ORC2: variants seen among roughly 807,000 people sequenced by gnomAD.
ORC2 encodes origin recognition complex subunit 2, also known as origin recognition complex protein 2 homolog.
Under a neutral mutation model 77.7 loss-of-function variants are expected in ORC2, and 37 were observed. That is an observed-to-expected ratio of 0.48 (90% confidence interval 0.37 to 0.63). The LOEUF is 0.63. ORC2 is among the 20% of genes least tolerant of loss of function. The pLI, the probability that ORC2 is intolerant of heterozygous loss-of-function variation, is 0.00. For synonymous variants in ORC2, 201 were observed against 229.5 expected (o/e 0.88, Z 1.12); for missense variants, 557 against 661.9 (o/e 0.84, Z 1.74).
At chr2:200,914,409 G>C (rs17426006) in intron 15 of ORC2, among the ~76,000 whole-genome samples, 1 of 152,010 alleles carries the variant, frequency 6.6e-6, no homozygotes, top group Non-Finnish European at 1.5e-5. Flanking sequence ...CTCGTGATCC[G>C]CCCGCCTCGG....
At chr2:200,963,209 A>C (rs2041613740) in intron 1 of ORC2, 2 of 380,032 alleles carry the variant, frequency 5.3e-6, no homozygotes, top group African/African-American at 2.1e-5. Flanking sequence ...TCCCAGAGTG[A>C]GCCTCTCACC....
intron 4 of ORC2, among the ~76,000 whole-genome samples, chr2:200,954,904 GAATA>G (rs66473778): frequency 0.48 from 69,672 of 144,354 alleles, 16,935 homozygotes; most frequent in Admixed American, 0.53. Flanking sequence ...ATGAATGAAT[GAATA>G]AATAAATAAA....
rs1039952023 is a variant in ORC2 at position 200,909,356 on chromosome 2, T to C, written c.*1945A>G. Reference sequence around the variant, plus strand: ...TCCTTTGGTACTATTAAAAAAATTTTTTTAAATCACATTTATGTACAAATT... The same window carrying C: ...TCCTTTGGTACTATTAAAAAAATTTCTTTAAATCACATTTATGTACAAATT... On this transcript the variant is annotated 3_prime_UTR_variant, in exon 18 of 18. Transcript: ENST00000234296. The C allele has an allele frequency of 6.6e-6, 1 of 152,324 alleles. No individual in the cohort carries two copies. The highest frequency in any genetic ancestry group is 3.4e-3 in the Middle Eastern group (1 of 296). 9.4% of individuals were successfully genotyped at this position (152,324 alleles called of 1,614,324 possible). A position where few individuals can be genotyped will look rare whatever the true frequency, so the allele number is the denominator to read the frequency against.
intron 8 of ORC2, among the ~76,000 whole-genome samples, chr2:200,937,613 C>T (rs2124992305): frequency 6.6e-6 from 1 of 152,226 alleles, no homozygotes; most frequent in East Asian, 1.9e-4. Flanking sequence ...GCATTCAGTA[C>T]AACTATGAAT....
intron 13 of ORC2, among the ~76,000 whole-genome samples, chr2:200,922,951 T>G (rs2040784243): frequency 6.6e-6 from 1 of 152,176 alleles, no homozygotes; most frequent in South Asian, 2.1e-4. Flanking sequence ...AATTGATTTT[T>G]AATTAAATAA....
chr2:200,914,414 C>G (rs1378965641), intron 15 of ORC2, among the ~76,000 whole-genome samples: 2 of 152,168 alleles, frequency 1.3e-5, no homozygotes, highest in Non-Finnish European at 2.9e-5. Flanking sequence ...GATCCGCCCG[C>G]CTCGGCCTCC....
chr2:200,951,905 T>C (rs947888653), intron 4 of ORC2, among the ~76,000 whole-genome samples: 2 of 152,196 alleles, frequency 1.3e-5, no homozygotes, highest in Non-Finnish European at 2.9e-5. Context: ...TTTCTTTTGA[T>C]TACATATTTT....
At chr2:200,941,884 G>A (rs549807272) in intron 6 of ORC2, among the ~76,000 whole-genome samples, 39 of 152,176 alleles carry the variant, frequency 2.6e-4, no homozygotes, top group Non-Finnish European at 4.6e-4. Flanking sequence ...TTATTCAGGA[G>A]TCTGAGGCAG....
At chr2:200,949,524 A>G in intron 5 of ORC2, 30 bp downstream of exon 5, 1 of 1,152,936 alleles carries the variant, frequency 8.7e-7, no homozygotes, top group Non-Finnish European at 1.3e-6. Context: ...AAGATGAGTA[A>G]TAGTTATAGA....
intron 11 of ORC2, among the ~76,000 whole-genome samples, chr2:200,930,793 T>C (rs2040926215): frequency 6.6e-6 from 1 of 152,180 alleles, no homozygotes; most frequent in African/African-American, 2.4e-5. Context: ...TTCTTCTAGG[T>C]GTTTTAATGG....
intron 4 of ORC2, among the ~76,000 whole-genome samples, chr2:200,953,506 A>T (rs908921825): frequency 2.6e-5 from 4 of 152,020 alleles, no homozygotes; most frequent in African/African-American, 9.7e-5. Context: ...AAAATGGTGC[A>T]GCCACTGTGC....
chr2:200,913,484 A>C (rs1042213534), intron 16 of ORC2, 71 bp from the exon 17 acceptor site: 6 of 1,475,636 alleles, frequency 4.1e-6, no homozygotes, highest in Middle Eastern at 2.5e-4. Context: ...ACACCCATAC[A>C]AAAGAACAGA....
chr2:200,944,783 TCC>T (rs2041221824), intron 5 of ORC2, among the ~76,000 whole-genome samples: 1 of 151,710 alleles, frequency 6.6e-6, no homozygotes, highest in Admixed American at 6.6e-5. Context: ...CAAGTTCTCC[TCC>T]CGCCTCGGCC....
rs528547390 is a variant in ORC2, at chr2:200,960,302, G to A, written c.-59-862C>T. ...CAAAAAAATTTTTTTAAACAACAAC[G>A]ACAACAAAAAATTGTGGACTTGGCT... On this transcript the variant is annotated intron_variant, in intron 1 of 17. Coordinates refer to ENST00000234296, the MANE Select transcript of ORC2 (RefSeq NM_006190.5). Among the ~76,000 whole-genome samples the A allele has an allele frequency of 5.3e-5, 8 of 151,536 alleles. No individual in the cohort carries two copies. In the South Asian group the frequency reaches 1.5e-3, roughly 28 times the overall value.
At chr2:200,923,148 T>G (rs2040786653) in intron 13 of ORC2, among the ~76,000 whole-genome samples, 1 of 152,268 alleles carries the variant, frequency 6.6e-6, no homozygotes. Context: ...AAATCCTGAA[T>G]TATTGAATAC....
In ORC2 at chr2:200,909,137, T is replaced by C. The variant is rs1222100585; in HGVS notation, c.*2164A>G. 3 of 152,150 alleles carry C rather than the reference T, an allele frequency of 2.0e-5. No homozygotes were observed. The highest frequency in any genetic ancestry group is 1.3e-4 in the Admixed American group (2 of 15,264). The allele number at this position is 152,150 out of a possible 1,614,324, so 9.4% of individuals were successfully genotyped here. A position where few individuals can be genotyped will look rare whatever the true frequency, so the allele number is the denominator to read the frequency against. On this transcript the variant is annotated 3_prime_UTR_variant, in exon 18 of 18. Coordinates refer to ENST00000234296, the MANE Select transcript of ORC2 (RefSeq NM_006190.5). The stretch of plus-strand genomic sequence containing the variant: ...ACATTAGGTCATTATAAACTAGATA[T>C]ATTAAGCAAAAAAAGCAAGGTGCAA...
chr2:200,959,998 T>C (rs1204212109), intron 1 of ORC2, among the ~76,000 whole-genome samples: 1 of 152,096 alleles, frequency 6.6e-6, no homozygotes, highest in Non-Finnish European at 1.5e-5. Flanking sequence ...TTTTCTTTTT[T>C]TTTGAGACAG....
intron 10 of ORC2, 105 bp from the exon 11 acceptor site, chr2:200,931,553 T>C (rs933902419): frequency 1.1e-5 from 6 of 557,976 alleles, no homozygotes; most frequent in South Asian, 7.8e-5. Context: ...GCCAATCCAA[T>C]TGGAATATTA....
Position 200,922,521 on chromosome 2 carries a change from A to G in ORC2, c.1148-1382T>C, listed in dbSNP as rs148119468. Among the ~76,000 whole-genome samples the G allele has an allele frequency of 1.6e-3, 237 of 151,662 alleles. 1 individual carries two copies. The highest frequency in any genetic ancestry group is 5.5e-3 in the African/African-American group (226 of 41,322). On this transcript the variant is annotated intron_variant, in intron 13 of 17. Transcript: ENST00000234296. ...GTATATTTAAAAGCCACAGGTATTG[A>G]TAAGTCTCTCTGGAGACTTGGCATA...
Sources: allele counts gnomAD v4.1 joint callset (sites outside exome capture counted in the v4.1 genomes callset), GRCh38; gene constraint gnomAD v4.1.1; transcripts MANE v1.5; gene names NCBI Gene and HGNC (gene_info 2026-07-23, HGNC 2026-07-21).